ZNF280D: variants seen among roughly 807,000 people sequenced by gnomAD.
ZNF280D encodes the protein suppressor of hairy wing homolog 4.
A neutral mutation model predicts 94.7 loss-of-function variants in ZNF280D; 39 were observed. The ratio of observed to expected loss-of-function variants is 0.41; its 90% CI spans 0.32 to 0.54. The LOEUF is 0.54. Ranked by LOEUF, ZNF280D falls within the 20% of genes least tolerant of loss-of-function variation. The pLI, the probability that ZNF280D is intolerant of heterozygous loss-of-function variation, is 0.22. For missense variants in ZNF280D, 1,090 were observed against 1,149.3 expected (o/e 0.95, Z 0.75); for synonymous variants, 398 against 377.6 (o/e 1.05, Z -0.63).
At chr15:56,659,706 C>T (rs77677780) in intron 16 of ZNF280D, among the ~76,000 whole-genome samples, 17,023 of 151,742 alleles carry the variant, frequency 0.11, 1,016 homozygotes, top group Middle Eastern at 0.18. Flanking sequence ...CTTCCCCCAC[C>T]AACAACCCCA....
chr15:56,636,164 C>T (rs1261290233), intron 20 of ZNF280D, among the ~76,000 whole-genome samples: 1 of 152,072 alleles, frequency 6.6e-6, no homozygotes, highest in South Asian at 2.1e-4. Flanking sequence ...ATGAAGAAAA[C>T]ACCAAAGTAT....
chr15:56,725,364 A>T (rs529242046), intron 1 of ZNF280D, among the ~76,000 whole-genome samples: 10 of 152,340 alleles, frequency 6.6e-5, no homozygotes, highest in African/African-American at 1.7e-4. Context: ...ATTTTTTTCA[A>T]TATGTATTCA....
intron 4 of ZNF280D, among the ~76,000 whole-genome samples, chr15:56,703,353 C>G (rs927117035): frequency 6.6e-6 from 1 of 152,172 alleles, no homozygotes. Flanking sequence ...TCTATTGGTA[C>G]ACAGGCCAGA....
chr15:56,677,610 G>A lies in ZNF280D; in HGVS notation c.1227C>T (p.Asp409=), dbSNP rs756841665. 1.2e-6 allele frequency: 2 copies of A among 1,610,392 alleles called. No homozygotes were observed. The highest frequency in any genetic ancestry group is 1.1e-5 in the South Asian group (1 of 90,664). ...ATGGCATTTCACCAGGTTTATGATTGTCCTTCATATGTTGTAAAAGAACAT... is the reference window on the plus strand; with the variant it reads ...ATGGCATTTCACCAGGTTTATGATTATCCTTCATATGTTGTAAAAGAACAT... ...TEHVLLQHMK[D]NHKPGEMPYV... The change falls in exon 12 of 22, where the codon GAC becomes GAT. Residue 409 remains aspartate, a synonymous_variant. Transcript: ENST00000267807.
intron 6 of ZNF280D, chr15:56,700,212 T>C: frequency 1.0e-6 from 1 of 958,246 alleles, no homozygotes; most frequent in Non-Finnish European, 1.2e-6. Flanking sequence ...TATGTATGTG[T>C]GCATATACAT....
intron 3 of ZNF280D, among the ~76,000 whole-genome samples, chr15:56,706,831 G>A (rs964116705): frequency 2.6e-5 from 4 of 152,024 alleles, no homozygotes; most frequent in Non-Finnish European, 2.9e-5. Context: ...TTTTGTCTAT[G>A]TACAGAAGAA....
chr15:56,649,683 G>A (rs901301054), intron 19 of ZNF280D, among the ~76,000 whole-genome samples: 34 of 151,776 alleles, frequency 2.2e-4, no homozygotes, highest in Admixed American at 2.1e-3. Context: ...GAGCTACAGA[G>A]TTATAATTTA....
In ZNF280D at chr15:56,652,602, T is replaced by C. The variant is rs1223177995; in HGVS notation, c.2213+1596A>G. On this transcript the variant is annotated intron_variant, in intron 19 of 21. Coordinates refer to ENST00000267807, the MANE Select transcript of ZNF280D (RefSeq NM_017661.4). ...AAAATATATAAAGGAAAGAAATACA[T>C]GCATTACTGGTCACCATATGTATGT... 6.1e-6 allele frequency: 6 copies of C among 978,318 alleles called. No homozygotes were observed. In the African/African-American group the frequency reaches 1.1e-4, roughly 17 times the overall value. 60.6% of individuals were successfully genotyped at this position (978,318 alleles called of 1,614,324 possible).
Position 56,666,858 on chromosome 15 carries a change from T to C in ZNF280D, c.1674A>G (p.Ala558=). 6.2e-7 allele frequency: 1 copy of C among 1,613,964 alleles called. No individual in the cohort carries two copies. Among genetic ancestry groups the C allele is most frequent in the Non-Finnish European group, 8.5e-7 (1 of 1,179,908 alleles). Residue 558 remains alanine (A), a synonymous_variant, in exon 15 of 22, where the codon GCA becomes GCG. Coordinates refer to ENST00000267807, the MANE Select transcript of ZNF280D (RefSeq NM_017661.4). ...TATTAGGTTTACTTGTATTAGATTT[T>C]GCAGGATTTTTAGCAGTTATATTTT... ...RTKNITAKNP[A]KSNTSKPNTV... is the part of the protein sequence containing the mutation.
intron 6 of ZNF280D, chr15:56,697,787 T>C: frequency 6.6e-6 from 1 of 152,190 alleles, no homozygotes; most frequent in South Asian, 2.1e-4. Flanking sequence ...CATTTTAAAA[T>C]AACAAACTCA....
At chr15:56,706,587 C>T (rs1410003480) in intron 3 of ZNF280D, among the ~76,000 whole-genome samples, 1 of 152,068 alleles carries the variant, frequency 6.6e-6, no homozygotes, top group Non-Finnish European at 1.5e-5. Flanking sequence ...ATCCTAACGA[C>T]ACCTTCATCT....
At chr15:56,712,995 C>T (rs1362684736) in intron 1 of ZNF280D, among the ~76,000 whole-genome samples, 1 of 152,120 alleles carries the variant, frequency 6.6e-6, no homozygotes, top group Non-Finnish European at 1.5e-5. Flanking sequence ...CCGCCTTGGC[C>T]TCCCAAAGTG....
At chr15:56,661,102 G>C (rs1176808917) in intron 16 of ZNF280D, among the ~76,000 whole-genome samples, 2 of 152,190 alleles carry the variant, frequency 1.3e-5, no homozygotes, top group African/African-American at 4.8e-5. Context: ...TACAGAGTTT[G>C]TGGTTGCATG....
chr15:56,666,887 T>C lies in ZNF280D; in HGVS notation c.1645A>G (p.Thr549Ala), dbSNP rs2054327330. The C allele has an allele frequency of 6.2e-7, 1 of 1,613,792 alleles. No homozygotes were observed. Among genetic ancestry groups the C allele is most frequent in the African/African-American group, 1.3e-5 (1 of 74,928 alleles). The change falls in exon 15 of 22, where the codon ACT becomes GCT. Residue 549 changes from threonine to alanine, a missense_variant. By Grantham distance (58) the Thr-to-Ala change is moderately conservative. This residue lies in a region of ZNF280D where 577 missense variants were observed against 568.8 expected (regional missense o/e 1.01). Transcript: ENST00000267807. ...ASTLQLSPPR[T>A]KNITAKNPAK... ...GGATTTTTAGCAGTTATATTTTTAG[T>C]CCTTGGAGGTGAGAGCTGAAGGGTA...
At chr15:56,682,066 A>T (rs2055655262) in intron 10 of ZNF280D, among the ~76,000 whole-genome samples, 188 bp downstream of exon 10, 1 of 152,108 alleles carries the variant, frequency 6.6e-6, no homozygotes, top group Middle Eastern at 3.2e-3. Flanking sequence ...AACTAACTGG[A>T]TCCAAGAGTC....
rs552909058 is a variant in ZNF280D at position 56,659,276 on chromosome 15, G to T, written c.1995-790C>A. 5.4e-5 allele frequency among the ~76,000 whole-genome samples: 8 copies of T among 148,994 alleles called. No individual in the cohort carries two copies. In the East Asian group the frequency reaches 1.6e-3, roughly 30 times the overall value. ...CCCAATTTTGTAGCCCATGATAATA[G>T]CTTCTATATACCCTTTTTAATTCCA... is the stretch of plus-strand genomic sequence containing the variant. On this transcript the variant is annotated intron_variant, in intron 16 of 21. Coordinates refer to ENST00000267807, the MANE Select transcript of ZNF280D (RefSeq NM_017661.4).
intron 20 of ZNF280D, 169 bp from the exon 21 acceptor site, chr15:56,635,419 A>C (rs992364454): frequency 4.9e-6 from 1 of 204,450 alleles, no homozygotes; most frequent in East Asian, 1.1e-4. Flanking sequence ...CCATAATTAT[A>C]TGCAGGTTTT....
intron 10 of ZNF280D, among the ~76,000 whole-genome samples, chr15:56,681,098 T>C (rs1475309097): frequency 6.6e-6 from 1 of 152,136 alleles, no homozygotes; most frequent in Non-Finnish European, 1.5e-5. Context: ...TCATATAAAA[T>C]AAGTGAAAAA....
intron 13 of ZNF280D, among the ~76,000 whole-genome samples, chr15:56,669,259 C>G (rs1325254525): frequency 6.6e-6 from 1 of 151,960 alleles, no homozygotes; most frequent in Admixed American, 6.6e-5. Context: ...GAAGTAAACA[C>G]ATACTTTGAA....
Sources: allele counts gnomAD v4.1 joint callset (sites outside exome capture counted in the v4.1 genomes callset), GRCh38; gene constraint gnomAD v4.1.1; regional missense constraint gnomAD v4.1.1; transcripts MANE v1.5; gene names NCBI Gene and HGNC (gene_info 2026-07-23, HGNC 2026-07-21).